FAF1: variants seen among roughly 807,000 people sequenced by gnomAD.
FAF1 encodes Fas associated factor 1, also known as FAS-associated factor 1.
A neutral mutation model predicts 92.5 loss-of-function variants in FAF1; 25 were observed. The observed-to-expected ratio is 0.27, with a 90% confidence interval of 0.20 to 0.38. The LOEUF (loss-of-function observed/expected upper bound fraction) is 0.38. FAF1 is among the 10% of genes least tolerant of loss of function. The pLI is 1.00. For synonymous variants in FAF1, 234 were observed against 273.2 expected (o/e 0.86, Z 1.42); for missense variants, 636 against 793.3 (o/e 0.80, Z 2.38).
At chr1:50,447,624 C>T (rs901483473) in intron 18 of FAF1, among the ~76,000 whole-genome samples, 3 of 152,192 alleles carry the variant, frequency 2.0e-5, no homozygotes, top group Admixed American at 1.3e-4. Context: ...CAGGAGCAAC[C>T]CTTTGCCACG....
chr1:50,463,634 G>T (rs1270085920), intron 18 of FAF1, among the ~76,000 whole-genome samples: 1 of 152,208 alleles, frequency 6.6e-6, no homozygotes, highest in African/African-American at 2.4e-5. Flanking sequence ...AGGGTTGAAT[G>T]AAAATTAAAT....
chr1:50,692,535 T>A (rs1257029302), intron 7 of FAF1, among the ~76,000 whole-genome samples: 2 of 152,130 alleles, frequency 1.3e-5, no homozygotes, highest in Non-Finnish European at 2.9e-5. Flanking sequence ...AATCCATATA[T>A]AAGTGAGAAC....
At chr1:50,512,247 G>T (rs752364637) in intron 15 of FAF1, among the ~76,000 whole-genome samples, 6 of 152,204 alleles carry the variant, frequency 3.9e-5, no homozygotes, top group Non-Finnish European at 8.8e-5. Context: ...AGTTTAATTA[G>T]ATCCCATTTG....
At chr1:50,452,067 A>T in intron 18 of FAF1, 1 of 1,334,164 alleles carries the variant, frequency 7.5e-7, no homozygotes, top group South Asian at 1.2e-5. Flanking sequence ...TGGAATGGGG[A>T]GGAAAAAACC....
chr1:50,859,072 C>T lies in FAF1; in HGVS notation c.46-1075G>A, dbSNP rs148694545. ...GGAAAAAGTTTTCAATAAAACCCAA[C>T]ATCCCTTTACAAGGAAAACCCTCAA... On this transcript the variant is annotated intron_variant, in intron 1 of 18. Transcript: ENST00000396153. Among the ~76,000 whole-genome samples the T allele has an allele frequency of 9.2e-5, 14 of 151,954 alleles. No homozygotes were observed. In the East Asian group the frequency reaches 2.7e-3, roughly 29 times the overall value.
At chr1:50,466,026 C>G (rs547935873) in intron 18 of FAF1, among the ~76,000 whole-genome samples, 2 of 151,232 alleles carry the variant, frequency 1.3e-5, no homozygotes, top group Admixed American at 6.6e-5. Context: ...AGAGAAGTGA[C>G]GTGATTTGCC....
At chr1:50,684,643 C>A (rs1656573320) in intron 7 of FAF1, among the ~76,000 whole-genome samples, 1 of 152,098 alleles carries the variant, frequency 6.6e-6, no homozygotes, top group Non-Finnish European at 1.5e-5. Flanking sequence ...TTTCAAGGTA[C>A]CAACACTTTG....
At chr1:50,664,859 C>T in intron 7 of FAF1, among the ~76,000 whole-genome samples, 1 of 152,182 alleles carries the variant, frequency 6.6e-6, no homozygotes, top group East Asian at 1.9e-4. Context: ...CTAGCTGAAA[C>T]AAGGCCCAAA....
At chr1:50,894,573 C>T (rs1368887983) in intron 1 of FAF1, among the ~76,000 whole-genome samples, 3 of 151,784 alleles carry the variant, frequency 2.0e-5, no homozygotes. Context: ...ACATTATTCT[C>T]ATTAGCACAT....
chr1:50,533,366 G>A (rs762146368), intron 15 of FAF1, among the ~76,000 whole-genome samples: 17 of 151,958 alleles, frequency 1.1e-4, no homozygotes, highest in East Asian at 1.9e-4. Context: ...AGCCACCCCC[G>A]AGCCCTGGCC....
At chr1:50,662,410 T>G (rs1655414609) in intron 7 of FAF1, among the ~76,000 whole-genome samples, 1 of 152,182 alleles carries the variant, frequency 6.6e-6, no homozygotes, top group African/African-American at 2.4e-5. Flanking sequence ...TAAAGAAATT[T>G]GACAATTGCC....
At chr1:50,590,985 A>G (rs1651475707) in intron 9 of FAF1, among the ~76,000 whole-genome samples, 1 of 151,606 alleles carries the variant, frequency 6.6e-6, no homozygotes, top group African/African-American at 2.4e-5. Flanking sequence ...CTGTCTCCAA[A>G]AAAAAAAAAG....
chr1:50,547,159 C>T (rs1460495840), intron 13 of FAF1, among the ~76,000 whole-genome samples: 1 of 152,038 alleles, frequency 6.6e-6, no homozygotes, highest in African/African-American at 2.4e-5. Context: ...TCCCAAACTG[C>T]TGGGATTACA....
chr1:50,839,993 A>T (rs1320136483), intron 2 of FAF1, among the ~76,000 whole-genome samples: 1 of 152,060 alleles, frequency 6.6e-6, no homozygotes, highest in Non-Finnish European at 1.5e-5. Flanking sequence ...GCAATTTAAT[A>T]AGGAAGGAAT....
intron 3 of FAF1, among the ~76,000 whole-genome samples, chr1:50,800,541 AT>A (rs1177566119): frequency 3.3e-5 from 5 of 152,224 alleles, no homozygotes; most frequent in African/African-American, 1.2e-4. Flanking sequence ...AATCTGCCAC[AT>A]TTACTCTGGA....
At chr1:50,485,213 G>A (rs1031101291) in intron 17 of FAF1, among the ~76,000 whole-genome samples, 11 of 151,434 alleles carry the variant, frequency 7.3e-5, no homozygotes, top group Admixed American at 6.6e-4. Flanking sequence ...CTCCCACCTC[G>A]GCCTCCCAAG....
intron 7 of FAF1, among the ~76,000 whole-genome samples, chr1:50,701,505 G>A (rs973391240): frequency 1.3e-5 from 2 of 152,032 alleles, no homozygotes; most frequent in African/African-American, 4.8e-5. Flanking sequence ...CACAATCTGT[G>A]AAAGACTACA....
chr1:50,937,163 T>G (rs2153765), intron 1 of FAF1, among the ~76,000 whole-genome samples: 152,091 of 152,176 alleles, frequency 1, 76,003 homozygotes, highest in Non-Finnish European at 1. Context: ...TGTCAAAATT[T>G]TAAGGTATTA....
At position 50,546,586 on chromosome 1, in the gene FAF1, G is replaced by A. The variant is rs59412984; in HGVS notation, c.1269-6858C>T. Among the ~76,000 whole-genome samples, 1,175 of 151,992 alleles carry A rather than the reference G, an allele frequency of 7.7e-3. 13 individuals are homozygous for A. The highest frequency in any genetic ancestry group is 0.027 in the African/African-American group (1,133 of 41,446). On this transcript the variant is annotated intron_variant, in intron 13 of 18. Transcript: ENST00000396153. ...TCACCATGTTGGTCAGGTTGGTCTCGAACTCCTGGCCTTGTGATCCTCCTG... is the reference window on the plus strand; with the variant it reads ...TCACCATGTTGGTCAGGTTGGTCTCAAACTCCTGGCCTTGTGATCCTCCTG...
Sources: gnomAD v4.1 joint callset for allele counts (sites outside exome capture counted in the v4.1 genomes callset) on GRCh38, gnomAD v4.1.1 for gene constraint, MANE v1.5 for transcripts, NCBI Gene and HGNC (gene_info 2026-07-23, HGNC 2026-07-21) for gene names.